CAPZA2: variants seen among roughly 807,000 people sequenced by gnomAD.
CAPZA2 encodes F-actin-capping protein subunit alpha-2.
CAPZA2 carries 13 observed loss-of-function variants against 44.0 expected under a neutral mutation model. The ratio of observed to expected loss-of-function variants is 0.30; its 90% CI spans 0.19 to 0.47. The LOEUF is 0.47. Among genes scored for constraint, CAPZA2 ranks in the 20% least tolerant of loss-of-function variants. The pLI is 1.00. For synonymous variants in CAPZA2, 94 were observed against 108.2 expected (o/e 0.87, Z 0.81); for missense variants, 244 against 338.6 (o/e 0.72, Z 2.19).
intron 1 of CAPZA2, among the ~76,000 whole-genome samples, chr7:116,865,499 C>A (rs1218029970): frequency 1.3e-5 from 2 of 152,046 alleles, no homozygotes; most frequent in Non-Finnish European, 2.9e-5. Flanking sequence ...ATTATGCTTT[C>A]TTAAACAAAA....
intron 1 of CAPZA2, among the ~76,000 whole-genome samples, chr7:116,863,910 A>G (rs891045211): frequency 6.6e-5 from 10 of 152,074 alleles, no homozygotes; most frequent in African/African-American, 1.9e-4. Context: ...CCCATTCCCA[A>G]TGTGAATGGT....
At chr7:116,875,522 T>G (rs959622676) in intron 1 of CAPZA2, 1 of 151,384 alleles carries the variant, frequency 6.6e-6, no homozygotes, top group African/African-American at 2.4e-5. Context: ...CTCAGTAGAT[T>G]TGCAATAAAT....
At chr7:116,868,496 G>A (rs1180230519) in intron 1 of CAPZA2, among the ~76,000 whole-genome samples, 1 of 152,190 alleles carries the variant, frequency 6.6e-6, no homozygotes, top group Non-Finnish European at 1.5e-5. Context: ...ACTTTGGGAG[G>A]CTGAGGCAGG....
chr7:116,896,305 T>C (rs1796926172), intron 3 of CAPZA2, among the ~76,000 whole-genome samples: 1 of 151,998 alleles, frequency 6.6e-6, no homozygotes, highest in Non-Finnish European at 1.5e-5. Context: ...TACTGAAGAG[T>C]TGGTATTGTC....
At chr7:116,901,030 C>T (rs539528328) in intron 4 of CAPZA2, among the ~76,000 whole-genome samples, 31 of 152,044 alleles carry the variant, frequency 2.0e-4, no homozygotes, top group African/African-American at 6.0e-4. Flanking sequence ...GGTGAGGTTA[C>T]GGAGCAAAAG....
At chr7:116,876,194 G>C (rs1796618789) in intron 1 of CAPZA2, 1 of 151,518 alleles carries the variant, frequency 6.6e-6, no homozygotes, top group Admixed American at 6.6e-5. Context: ...AGCTTGCAGT[G>C]AGCGGAGTTC....
At chr7:116,901,325 C>T (rs1041211738) in intron 4 of CAPZA2, among the ~76,000 whole-genome samples, 1 of 152,042 alleles carries the variant, frequency 6.6e-6, no homozygotes, top group Non-Finnish European at 1.5e-5. Context: ...ACTATGCAGC[C>T]GTGAAAAAGA....
chr7:116,889,899 G>C (rs563898206), intron 2 of CAPZA2, among the ~76,000 whole-genome samples: 1 of 152,144 alleles, frequency 6.6e-6, no homozygotes, highest in South Asian at 2.1e-4. Flanking sequence ...CTTTTACTTC[G>C]TGTAAGATTT....
At chr7:116,908,076 T>C (rs932613584) in intron 6 of CAPZA2, among the ~76,000 whole-genome samples, 2 of 149,072 alleles carry the variant, frequency 1.3e-5, no homozygotes, top group African/African-American at 5.0e-5. Flanking sequence ...CTGGGCAACA[T>C]AGTACGACCC....
rs1562965947 is a variant in CAPZA2, at chr7:116,921,570, C to T, written c.*3703C>T. On this transcript the variant is annotated 3_prime_UTR_variant, in exon 10 of 10. Coordinates refer to ENST00000361183, the MANE Select transcript of CAPZA2 (RefSeq NM_006136.3). ...TGGTGGCACATGCCTGTAGTCCCAGCTACTCAGGAGGCTGAGGCAGGAGAA... is the reference window on the plus strand; with the variant it reads ...TGGTGGCACATGCCTGTAGTCCCAGTTACTCAGGAGGCTGAGGCAGGAGAA... The T allele has an allele frequency of 6.6e-6, 1 of 152,364 alleles. No individual in the cohort carries two copies. Among genetic ancestry groups the T allele is most frequent in the East Asian group, 1.9e-4 (1 of 5,186 alleles). The allele number at this position is 152,364 out of a possible 1,614,324, so 9.4% of individuals were successfully genotyped here. A position where few individuals can be genotyped will look rare whatever the true frequency, so the allele number is the denominator to read the frequency against.
intron 1 of CAPZA2, among the ~76,000 whole-genome samples, chr7:116,879,426 G>A (rs1313266444): frequency 3.3e-5 from 5 of 152,066 alleles, no homozygotes; most frequent in African/African-American, 9.7e-5. Context: ...CAGCCTTTTT[G>A]GCACCAGGGA....
At chr7:116,886,677 T>A (rs1302047395) in intron 1 of CAPZA2, among the ~76,000 whole-genome samples, 1 of 152,244 alleles carries the variant, frequency 6.6e-6, no homozygotes, top group Non-Finnish European at 1.5e-5. Flanking sequence ...TTAAATGGTG[T>A]TTCCCAGGAC....
chr7:116,890,777 CAAA>C (rs576504004), intron 2 of CAPZA2, among the ~76,000 whole-genome samples: 1 of 53,434 alleles, frequency 1.9e-5, no homozygotes, highest in Non-Finnish European at 3.1e-5. Context: ...GACTCTGTCT[CAAA>C]AAAAAAAAAA....
chr7:116,864,783 A>G (rs965059444), intron 1 of CAPZA2, among the ~76,000 whole-genome samples: 3 of 152,176 alleles, frequency 2.0e-5, no homozygotes, highest in African/African-American at 7.2e-5. Context: ...TTGCACCTGT[A>G]ATGCCAACTA....
chr7:116,887,771 T>C (rs1796783073), intron 1 of CAPZA2, among the ~76,000 whole-genome samples: 1 of 152,228 alleles, frequency 6.6e-6, no homozygotes, highest in Non-Finnish European at 1.5e-5. Context: ...TGGCAGAAGT[T>C]GCAGTGAGCT....
rs958740550 is a variant in CAPZA2, at chr7:116,863,240, TCTCC to T, written c.39+595_39+598del. 2.0e-5 allele frequency among the ~76,000 whole-genome samples: 3 copies of T among 152,268 alleles called. 1 individual carries two copies. The highest frequency in any genetic ancestry group is 6.5e-5 in the Admixed American group (1 of 15,304). On this transcript the variant is annotated intron_variant, in intron 1 of 9. Coordinates refer to ENST00000361183, the MANE Select transcript of CAPZA2 (RefSeq NM_006136.3). ...TTTTCCCTTTCCCCATGGAGGCATC[TCTCC>T]CTCCTTCTCTCTTTCCTTTCGTGGC...
intron 1 of CAPZA2, among the ~76,000 whole-genome samples, chr7:116,870,750 G>A (rs1796544916): frequency 6.6e-6 from 1 of 152,048 alleles, no homozygotes; most frequent in Admixed American, 6.5e-5. Context: ...CGTCCCACAA[G>A]AAATGGAGGA....
chr7:116,869,794 G>T (rs981589609), intron 1 of CAPZA2, among the ~76,000 whole-genome samples: 4 of 152,230 alleles, frequency 2.6e-5, no homozygotes, highest in African/African-American at 7.2e-5. Flanking sequence ...TGGTTAGAGA[G>T]CTTCCATCTA....
intron 4 of CAPZA2, among the ~76,000 whole-genome samples, chr7:116,901,366 A>G (rs1368012036): frequency 1.3e-5 from 2 of 152,206 alleles, no homozygotes; most frequent in African/African-American, 4.8e-5. Context: ...AAGAACATGG[A>G]TGGAGCTGAA....
Sources: allele counts gnomAD v4.1 joint callset (sites outside exome capture counted in the v4.1 genomes callset), GRCh38; gene constraint gnomAD v4.1.1; transcripts MANE v1.5; gene names NCBI Gene and HGNC (gene_info 2026-07-23, HGNC 2026-07-21).